The following FAM120B variants were observed in gnomAD, a reference collection of about 807,000 sequenced individuals.
The protein encoded by FAM120B is family with sequence similarity 120 member B.
In FAM120B, 83 loss-of-function variants were observed where a neutral mutation model predicts 96.3. The observed-to-expected ratio is 0.86, with a 90% CI of 0.72 to 1.03. The LOEUF (loss-of-function observed/expected upper bound fraction) is 1.03. Ranked by LOEUF, FAM120B falls within the 50% of genes least tolerant of loss-of-function variation. The probability of loss-of-function intolerance (pLI) is 0.00; values close to 1 mark genes in which losing one functional copy is unlikely to be tolerated. For missense variants in FAM120B, 1,027 were observed against 1,121.2 expected, an observed-to-expected ratio of 0.92 and a Z score of 1.20; for synonymous variants, 407 against 402.7, an observed-to-expected ratio of 1.01 and a Z score of -0.13.
intron 6 of FAM120B, among the ~76,000 whole-genome samples, chr6:170,385,839 A>G (rs1265791526): frequency 2.6e-5 from 4 of 152,184 alleles, no homozygotes; most frequent in Non-Finnish European, 5.9e-5. Flanking sequence ...CATGGAGGAA[A>G]CTTAAATGCA....
At chr6:170,334,121 G>A (rs1786256004) in intron 4 of FAM120B, among the ~76,000 whole-genome samples, 1 of 152,112 alleles carries the variant, frequency 6.6e-6, no homozygotes, top group Admixed American at 6.6e-5. Context: ...AGTGCTGGTG[G>A]CTTTTTTTCT....
chr6:170,388,476 G>A lies in FAM120B; in HGVS notation c.2473G>A (p.Val825Ile). Residue 825 changes from valine (V) to isoleucine (I), a missense_variant, in exon 7 of 11, where the codon GTT becomes ATT. Val to Ile is a conservative substitution (Grantham distance 29). Around this residue, in one of 3 missense-constraint regions of FAM120B, gnomAD observed 142 missense variants for 122.5 expected, o/e 1.16. Coordinates refer to ENST00000476287, the MANE Select transcript of FAM120B (RefSeq NM_032448.3). ...LQSEKGYAVE[V>I]LLEQNRSRLT... is the part of the protein sequence containing the mutation. ...ATCTGAAAAGGGTTATGCTGTGGAG[G>A]TTCTTTTAGAACAAAATGTGAGTTC... is the stretch of plus-strand genomic sequence containing the variant. 6.2e-7 allele frequency: 1 copy of A among 1,614,134 alleles called. No homozygotes were observed. The highest frequency in any genetic ancestry group is 8.5e-7 in the Non-Finnish European group (1 of 1,180,004).
Position 170,295,533 on chromosome 6 carries a change from G to C in FAM120B, c.48+80G>C. Reference sequence around the variant, plus strand: ...CACAGCGGGCAGGAGCGCGACCCCCGGCGCGGGCAGCTCTGCGCGAAGGTG... The same window carrying C: ...CACAGCGGGCAGGAGCGCGACCCCCCGCGCGGGCAGCTCTGCGCGAAGGTG... On this transcript the variant is annotated intron_variant, in intron 1 of 10. Transcript: ENST00000537664. The surrounding 1 kb of genome is among the most constrained non-coding windows in gnomAD (Gnocchi z 7.8). 3.1e-6 allele frequency: 2 copies of C among 637,526 alleles called. No individual in the cohort carries two copies. The highest frequency in any genetic ancestry group is 5.6e-6 in the Non-Finnish European group (2 of 358,504). The allele number at this position is 637,526 out of a possible 1,614,324, so 39.5% of individuals were successfully genotyped here. A position where few individuals can be genotyped will look rare whatever the true frequency, so the allele number is the denominator to read the frequency against.
Position 170,327,068 on chromosome 6 carries a change from A to T in FAM120B, c.1916-3381A>T, listed in dbSNP as rs1785636843. On this transcript the variant is annotated intron_variant, in intron 3 of 10. Transcript: ENST00000476287. ...CAAAACTTGAATTTTTTTTTTTGAG[A>T]TGGAGTCTTGCTCTGTCGCCCAGGC... is the stretch of plus-strand genomic sequence containing the variant. Among the ~76,000 whole-genome samples, 3 of 149,526 alleles carry T rather than the reference A, an allele frequency of 2.0e-5. No individual in the cohort carries two copies. In the South Asian group the frequency reaches 6.4e-4, roughly 32 times the overall value.
intron 4 of FAM120B, among the ~76,000 whole-genome samples, chr6:170,337,335 T>C (rs531953050): frequency 1.6e-4 from 24 of 152,350 alleles, no homozygotes; most frequent in African/African-American, 5.3e-4. Context: ...ATTACGCTTA[T>C]TAATTTGCAT....
chr6:170,381,347 T>C (rs1789889649), intron 6 of FAM120B, among the ~76,000 whole-genome samples: 2 of 152,202 alleles, frequency 1.3e-5, no homozygotes. Context: ...CCAAACAGGT[T>C]CTTTAAAGAA....
chr6:170,362,839 G>C (rs562207973), intron 6 of FAM120B, among the ~76,000 whole-genome samples: 2 of 151,752 alleles, frequency 1.3e-5, no homozygotes, highest in South Asian at 4.2e-4. Flanking sequence ...ACACCACCAT[G>C]CCTAGGTAAT....
chr6:170,389,726 A>C (rs577629145), intron 7 of FAM120B, among the ~76,000 whole-genome samples: 1 of 151,804 alleles, frequency 6.6e-6, no homozygotes, highest in Non-Finnish European at 1.5e-5. Context: ...TGCCCAGCTA[A>C]TTTTTGTATT....
intron 6 of FAM120B, among the ~76,000 whole-genome samples, chr6:170,376,004 A>C (rs984041672): frequency 6.6e-6 from 1 of 152,188 alleles, no homozygotes; most frequent in Non-Finnish European, 1.5e-5. Context: ...GAATTCAGTG[A>C]GGAGCCTTGC....
chr6:170,301,044 G>A (rs1476879431), intron 1 of FAM120B, among the ~76,000 whole-genome samples: 1 of 152,246 alleles, frequency 6.6e-6, no homozygotes, highest in African/African-American at 2.4e-5. Context: ...GTGCCAGTGG[G>A]GATTCTGTGT....
chr6:170,310,619 CCTT>C (rs746124936), intron 1 of FAM120B, among the ~76,000 whole-genome samples: 6 of 152,216 alleles, frequency 3.9e-5, no homozygotes, highest in Non-Finnish European at 8.8e-5. Context: ...GTGACTCCTG[CCTT>C]CTTCTTTGCT....
rs1186362465 is a variant in FAM120B at position 170,330,538 on chromosome 6, A to G, written c.2005A>G (p.Met669Val). Residue 669 changes from methionine to valine, a missense_variant, in exon 4 of 11, where the codon ATG (methionine) becomes GTG (valine). Coordinates refer to ENST00000476287, the MANE Select transcript of FAM120B (RefSeq NM_032448.3). ...CCCGGACCTCGTCAGGCCGCTGCAG[A>G]TGACCATTCCAGGTACAGGCAGCCT... ...RHPDLVRPLQ[M>V]TIPGGTPSLK... The G allele has an allele frequency of 1.2e-6, 2 of 1,613,582 alleles. No homozygotes were observed. Among genetic ancestry groups the G allele is most frequent in the East Asian group, 2.2e-5 (1 of 44,898 alleles).
In FAM120B at chr6:170,358,292, T is replaced by A; in HGVS notation, c.2257T>A (p.Ser753Thr). ...IAQALCLQGKSTSQLVNLQPD... is the reference protein window; with the variant it reads ...IAQALCLQGKTTSQLVNLQPD... Reference sequence around the variant, plus strand: ...GCAGGCCTTGTGCCTCCAAGGAAAATCCACCTCGCAGCTTGTAAATCTACA... The same window carrying A: ...GCAGGCCTTGTGCCTCCAAGGAAAAACCACCTCGCAGCTTGTAAATCTACA... The change falls in exon 6 of 11, where the codon TCC becomes ACC. Residue 753 changes from serine (S) to threonine (T), a missense_variant. Physicochemically the swap from Ser to Thr is moderately conservative, Grantham distance 58. Transcript: ENST00000476287. 1 of 1,606,534 alleles carries A rather than the reference T, an allele frequency of 6.2e-7. No individual in the cohort carries two copies. Among genetic ancestry groups the A allele is most frequent in the Non-Finnish European group, 8.5e-7 (1 of 1,175,128 alleles).
chr6:170,373,457 T>C (rs1789316745), intron 6 of FAM120B, among the ~76,000 whole-genome samples: 1 of 152,212 alleles, frequency 6.6e-6, no homozygotes, highest in Non-Finnish European at 1.5e-5. Context: ...GGTGACTTTC[T>C]CTGTTGCTGA....
intron 6 of FAM120B, among the ~76,000 whole-genome samples, chr6:170,366,579 C>T (rs979052815): frequency 6.6e-6 from 1 of 152,164 alleles, no homozygotes; most frequent in African/African-American, 2.4e-5. Context: ...GGAGGGGAAG[C>T]TTCACTTGGG....
chr6:170,392,734 G>A (rs1026293989), intron 8 of FAM120B, among the ~76,000 whole-genome samples: 22 of 152,226 alleles, frequency 1.4e-4, no homozygotes, highest in African/African-American at 5.1e-4. Flanking sequence ...CAGAGGTTTC[G>A]TGTCATGGGG....
At chr6:170,392,294 G>A (rs917141688) in intron 8 of FAM120B, among the ~76,000 whole-genome samples, 29 of 152,036 alleles carry the variant, frequency 1.9e-4, no homozygotes, top group African/African-American at 6.5e-4. Flanking sequence ...TGCAACCTCC[G>A]CCTCCCGAGT....
chr6:170,382,817 G>C (rs940957870), intron 6 of FAM120B, among the ~76,000 whole-genome samples: 5 of 152,148 alleles, frequency 3.3e-5, no homozygotes, highest in Admixed American at 2.0e-4. Flanking sequence ...GTATGGAAGG[G>C]CAGTGAAACT....
intron 6 of FAM120B, among the ~76,000 whole-genome samples, chr6:170,387,773 A>C (rs1043727007): frequency 2.6e-5 from 4 of 152,214 alleles, no homozygotes; most frequent in Non-Finnish European, 5.9e-5. Context: ...TCATAATTAC[A>C]ACAATTATGA....
Sources: allele counts gnomAD v4.1 joint callset (sites outside exome capture counted in the v4.1 genomes callset), GRCh38; gene constraint gnomAD v4.1.1; regional missense constraint gnomAD v4.1.1; non-coding constraint Gnocchi (gnomAD v3.1); transcripts MANE v1.5; gene names NCBI Gene and HGNC (gene_info 2026-07-23, HGNC 2026-07-21).